The following OSBPL6 variants were observed in gnomAD, a reference collection of about 807,000 sequenced individuals.
OSBPL6 encodes the protein oxysterol binding protein like 6.
A neutral mutation model predicts 125.8 loss-of-function variants in OSBPL6; 49 were observed. The observed-to-expected ratio is 0.39, with a 90% confidence interval of 0.31 to 0.49. The LOEUF is 0.49. Among genes scored for constraint, OSBPL6 ranks in the 20% least tolerant of loss-of-function variants. The pLI, the probability that OSBPL6 is intolerant of heterozygous loss-of-function variation, is 0.88. For synonymous variants in OSBPL6, 394 were observed against 391.8 expected (o/e 1.01, Z -0.07); for missense variants, 986 against 1,135.4 (o/e 0.87, Z 1.89).
In OSBPL6 at chr2:178,392,548, G is replaced by T; in HGVS notation, c.2573+10G>T. The T allele has an allele frequency of 1.9e-6, 3 of 1,613,628 alleles. No homozygotes were observed. The highest frequency in any genetic ancestry group is 2.5e-6 in the Non-Finnish European group (3 of 1,179,808). On this transcript the variant is annotated intron_variant, in intron 23 of 24. Transcript: ENST00000190611. ...TCCGGCCAGATCAAAGGTGAGGATG[G>T]CAGTGGTATTTAATATGCAGACTAT...
chr2:178,341,536 ATGCT>A (rs1237997261), intron 11 of OSBPL6, among the ~76,000 whole-genome samples: 1 of 152,128 alleles, frequency 6.6e-6, no homozygotes, highest in Non-Finnish European at 1.5e-5. Context: ...ATTTTTATTT[ATGCT>A]ATTTCACCTT....
chr2:178,227,149 C>A (rs2090598053), intron 1 of OSBPL6, among the ~76,000 whole-genome samples: 1 of 152,110 alleles, frequency 6.6e-6, no homozygotes, highest in Admixed American at 6.5e-5. Context: ...AAAGGATATG[C>A]ATGGGTATTT....
At chr2:178,329,679 C>A (rs1439399589) in intron 5 of OSBPL6, among the ~76,000 whole-genome samples, 1 of 152,144 alleles carries the variant, frequency 6.6e-6, no homozygotes, top group Non-Finnish European at 1.5e-5. Flanking sequence ...CCTGCCTCGG[C>A]CTCCCAAAGT....
chr2:178,353,490 G>A (rs1691481717), intron 12 of OSBPL6, among the ~76,000 whole-genome samples: 1 of 151,992 alleles, frequency 6.6e-6, no homozygotes, highest in Admixed American at 6.6e-5. Flanking sequence ...TGGAAGAAAG[G>A]GTATCAGTGA....
chr2:178,219,646 C>T (rs948920733), intron 1 of OSBPL6, among the ~76,000 whole-genome samples: 1 of 152,232 alleles, frequency 6.6e-6, no homozygotes, highest in Non-Finnish European at 1.5e-5. Flanking sequence ...CATGTTGCTG[C>T]TGAAAGCCAT....
intron 1 of OSBPL6, among the ~76,000 whole-genome samples, chr2:178,224,947 TTC>T (rs932216326): frequency 6.6e-6 from 1 of 151,738 alleles, no homozygotes; most frequent in African/African-American, 2.4e-5. Flanking sequence ...AAATAAATAG[TTC>T]TCTCTCTGTG....
chr2:178,352,485 C>T (rs1425118193), intron 12 of OSBPL6, among the ~76,000 whole-genome samples: 4 of 152,186 alleles, frequency 2.6e-5, no homozygotes, highest in Non-Finnish European at 5.9e-5. Flanking sequence ...TTGCTTACTG[C>T]TAGGACGGCA....
intron 11 of OSBPL6, among the ~76,000 whole-genome samples, chr2:178,341,216 G>T (rs777966332): frequency 1.3e-5 from 2 of 151,982 alleles, no homozygotes; most frequent in African/African-American, 2.4e-5. Flanking sequence ...GTATGCTATT[G>T]ACCACATTCT....
At chr2:178,318,516 G>A (rs566793327) in intron 3 of OSBPL6, among the ~76,000 whole-genome samples, 5 of 152,296 alleles carry the variant, frequency 3.3e-5, no homozygotes, top group African/African-American at 9.6e-5. Flanking sequence ...TTTGGCTTTG[G>A]TGATTTTAAT....
chr2:178,328,749 A>G (rs938576221), intron 5 of OSBPL6, among the ~76,000 whole-genome samples: 7 of 152,174 alleles, frequency 4.6e-5, no homozygotes, highest in African/African-American at 1.7e-4. Context: ...CAGCCTCACA[A>G]AGTCCTGGGA....
intron 1 of OSBPL6, among the ~76,000 whole-genome samples, chr2:178,279,128 A>G (rs2092527327): frequency 6.6e-6 from 1 of 152,140 alleles, no homozygotes; most frequent in African/African-American, 2.4e-5. Context: ...ATTCTTTATT[A>G]TTGTACAGAG....
At chr2:178,385,333 T>A (rs1349480613) in intron 18 of OSBPL6, 125 bp from the exon 19 acceptor site, 1 of 653,368 alleles carries the variant, frequency 1.5e-6, no homozygotes, top group Non-Finnish European at 2.6e-6. Context: ...AAGTTCTCAG[T>A]GTTTTTAAAG....
At chr2:178,251,264 C>T (rs995847145) in intron 1 of OSBPL6, among the ~76,000 whole-genome samples, 1 of 152,114 alleles carries the variant, frequency 6.6e-6, no homozygotes, top group Non-Finnish European at 1.5e-5. Flanking sequence ...AGGACTGAAG[C>T]CTTGCATTAG....
rs2154122923 is a variant in OSBPL6 at position 178,400,583 on chromosome 2, G to A, written c.*5024G>A. On this transcript the variant is annotated 3_prime_UTR_variant, in exon 25 of 25. Coordinates refer to ENST00000190611, the MANE Select transcript of OSBPL6 (RefSeq NM_032523.4). ...ATTACAGGTGTGAGCAACCGCGCCT[G>A]GACTCAAGTTCTTTTTAAAGCTTGA... 6.6e-6 allele frequency: 1 copy of A among 152,172 alleles called. No individual in the cohort carries two copies. Among genetic ancestry groups the A allele is most frequent in the African/African-American group, 2.4e-5 (1 of 41,510 alleles). 9.4% of individuals were successfully genotyped at this position (152,172 alleles called of 1,614,324 possible). A position where few individuals can be genotyped will look rare whatever the true frequency, so the allele number is the denominator to read the frequency against.
chr2:178,223,525 G>A (rs1286934712), intron 1 of OSBPL6, among the ~76,000 whole-genome samples: 7 of 152,142 alleles, frequency 4.6e-5, no homozygotes, highest in Non-Finnish European at 8.8e-5. Context: ...TATTAAATAC[G>A]TTTTACAATT....
At chr2:178,194,917 C>A (rs551086342) in intron 1 of OSBPL6, among the ~76,000 whole-genome samples, 1 of 152,238 alleles carries the variant, frequency 6.6e-6, no homozygotes, top group Admixed American at 6.5e-5. Context: ...TGGGAGGGGG[C>A]GTCTGTATCG....
At chr2:178,269,799 C>T (rs2092331681) in intron 1 of OSBPL6, among the ~76,000 whole-genome samples, 1 of 152,144 alleles carries the variant, frequency 6.6e-6, no homozygotes. Context: ...CAAGTGGATC[C>T]TGAGGTAGGG....
intron 1 of OSBPL6, among the ~76,000 whole-genome samples, chr2:178,232,013 TC>T (rs1441536511): frequency 1.3e-5 from 2 of 152,152 alleles, no homozygotes; most frequent in Admixed American, 6.5e-5. Flanking sequence ...TAAACTGTAC[TC>T]CTATGCCATA....
chr2:178,336,310 A>G lies in OSBPL6; in HGVS notation c.667A>G (p.Asn223Asp), dbSNP rs111493072. 1 of 1,613,800 alleles carries G rather than the reference A, an allele frequency of 6.2e-7. No homozygotes were observed. The highest frequency in any genetic ancestry group is 2.2e-5 in the East Asian group (1 of 44,882). ...TCTTTGTTTGCCGTAGATGCAACCA[A>G]ACAGCTTTCCGTGGCAGTCCCCTTT... ...VSVMDGKMQP[N>D]SFPWQSPLPC... is the part of the protein sequence containing the mutation. The change falls in exon 9 of 25, where the codon AAC becomes GAC. Residue 223 changes from asparagine (N) to aspartate (D), a missense_variant. Around this residue, in one of 3 missense-constraint regions of OSBPL6, gnomAD observed 843 missense variants for 997.3 expected, o/e 0.85. Coordinates refer to ENST00000190611, the MANE Select transcript of OSBPL6 (RefSeq NM_032523.4).
Sources: allele counts gnomAD v4.1 joint callset (sites outside exome capture counted in the v4.1 genomes callset), GRCh38; gene constraint gnomAD v4.1.1; regional missense constraint gnomAD v4.1.1; transcripts MANE v1.5; gene names NCBI Gene and HGNC (gene_info 2026-07-23, HGNC 2026-07-21).